ADAMTS12: variants seen among roughly 807,000 people sequenced by gnomAD.
The protein encoded by ADAMTS12 is A disintegrin and metalloproteinase with thrombospondin motifs 12.
Under a neutral mutation model 167.8 loss-of-function variants are expected in ADAMTS12, and 118 were observed. That is an observed-to-expected ratio of 0.70 (90% CI 0.61 to 0.82). ADAMTS12 has a LOEUF of 0.82. ADAMTS12 is among the 40% of genes least tolerant of loss of function. The pLI, the probability that ADAMTS12 is intolerant of heterozygous loss-of-function variation, is 0.00. For synonymous variants in ADAMTS12, 704 were observed against 716.9 expected, an observed-to-expected ratio of 0.98 and a Z score of 0.29; for missense variants, 1,916 against 1,998.8, an observed-to-expected ratio of 0.96 and a Z score of 0.79.
At chr5:33,598,670 TG>T (rs1458813463) in intron 16 of ADAMTS12, among the ~76,000 whole-genome samples, 1 of 152,172 alleles carries the variant, frequency 6.6e-6, no homozygotes, top group Non-Finnish European at 1.5e-5. Context: ...ACCTAGAAAA[TG>T]GTTTGTTGAA....
intron 16 of ADAMTS12, among the ~76,000 whole-genome samples, chr5:33,605,885 G>C (rs1322808383): frequency 6.6e-6 from 1 of 152,116 alleles, no homozygotes; most frequent in Non-Finnish European, 1.5e-5. Context: ...GTTATACAAA[G>C]TTATATAGTT....
intron 16 of ADAMTS12, among the ~76,000 whole-genome samples, chr5:33,603,908 T>C (rs1442945060): frequency 6.6e-6 from 1 of 152,138 alleles, no homozygotes; most frequent in Non-Finnish European, 1.5e-5. Flanking sequence ...CCCTGCAAAA[T>C]ACTGAGCAGA....
intron 2 of ADAMTS12, among the ~76,000 whole-genome samples, chr5:33,819,165 G>A (rs1034532092): frequency 9.9e-5 from 15 of 151,956 alleles, no homozygotes; most frequent in Non-Finnish European, 2.1e-4. Flanking sequence ...CATTGCCAAG[G>A]CCAATGTTCA....
At chr5:33,662,252 C>A (rs1741285055) in intron 5 of ADAMTS12, among the ~76,000 whole-genome samples, 1 of 152,126 alleles carries the variant, frequency 6.6e-6, no homozygotes, top group Non-Finnish European at 1.5e-5. Context: ...ACTAGAAGAA[C>A]CTGAAGGGGA....
chr5:33,659,397 A>G (rs575535327), intron 6 of ADAMTS12, among the ~76,000 whole-genome samples: 7 of 152,302 alleles, frequency 4.6e-5, no homozygotes, highest in Middle Eastern at 3.4e-3. Context: ...AAGAGAACCA[A>G]TCAAACACTT....
intron 3 of ADAMTS12, among the ~76,000 whole-genome samples, chr5:33,710,303 AC>A (rs1743347258): frequency 6.6e-6 from 1 of 152,184 alleles, no homozygotes; most frequent in Non-Finnish European, 1.5e-5. Flanking sequence ...CTATCCTCCA[AC>A]CATTGCCATA....
At chr5:33,529,855 A>G (rs1441667123) in intron 23 of ADAMTS12, among the ~76,000 whole-genome samples, 1 of 152,166 alleles carries the variant, frequency 6.6e-6, no homozygotes, top group Non-Finnish European at 1.5e-5. Flanking sequence ...AGCCTCTTAT[A>G]AAAACCCTGT....
chr5:33,736,121 G>A (rs74869849), intron 3 of ADAMTS12, among the ~76,000 whole-genome samples: 4 of 150,380 alleles, frequency 2.7e-5, no homozygotes, highest in East Asian at 1.9e-4. Flanking sequence ...GTGGTGCAAC[G>A]GTGCGATCTC....
chr5:33,631,655 T>C (rs1409762502), intron 12 of ADAMTS12, among the ~76,000 whole-genome samples: 1 of 152,158 alleles, frequency 6.6e-6, no homozygotes, highest in Non-Finnish European at 1.5e-5. Flanking sequence ...GTATACAGAA[T>C]AACCAGAAAG....
At chr5:33,688,278 A>C (rs1311444327) in intron 3 of ADAMTS12, among the ~76,000 whole-genome samples, 1 of 152,172 alleles carries the variant, frequency 6.6e-6, no homozygotes, top group Non-Finnish European at 1.5e-5. Context: ...AGACCATGAC[A>C]TGTTTGTTTC....
chr5:33,639,668 C>G (rs1490970395), intron 11 of ADAMTS12, among the ~76,000 whole-genome samples: 1 of 152,192 alleles, frequency 6.6e-6, no homozygotes, highest in East Asian at 1.9e-4. Flanking sequence ...CTTCCTTGAT[C>G]CAAAGCCTGA....
chr5:33,560,746 A>G (rs1745701374), intron 20 of ADAMTS12, among the ~76,000 whole-genome samples: 1 of 133,654 alleles, frequency 7.5e-6, no homozygotes, highest in South Asian at 2.6e-4. Flanking sequence ...CAGGAAGGGG[A>G]ACATCACACA....
intron 3 of ADAMTS12, among the ~76,000 whole-genome samples, chr5:33,704,060 T>C (rs747875428): frequency 5.1e-4 from 78 of 152,340 alleles, no homozygotes; most frequent in Non-Finnish European, 5.9e-4. Context: ...TTTCTGCTTA[T>C]AAAGCCAAAC....
intron 19 of ADAMTS12, among the ~76,000 whole-genome samples, chr5:33,565,894 AT>A (rs149484858): frequency 0.021 from 3,195 of 152,292 alleles, 106 homozygotes; most frequent in African/African-American, 0.072. Flanking sequence ...CGTTAAATCA[AT>A]TAACATTTGT....
intron 3 of ADAMTS12, among the ~76,000 whole-genome samples, chr5:33,730,290 GTGT>G (rs1200635035): frequency 2.7e-4 from 3 of 11,270 alleles, no homozygotes; most frequent in African/African-American, 6.1e-4. Flanking sequence ...GTCCATTAGG[GTGT>G]GTGTGTGTGT....
At position 33,588,784 on chromosome 5, in the gene ADAMTS12, A is replaced by G; in HGVS notation, c.2680T>C (p.Cys894Arg). ...PRWWAGEWEA[C>R]SATCGPHGEK... ...CCGTGGGGCCCGCATGTCGCCGAGC[A>G]TGCTTCCCACTCCCCTGCCCACCAC... is the stretch of plus-strand genomic sequence containing the variant. Residue 894 changes from cysteine to arginine, a missense_variant, in exon 18 of 24, where the codon TGC (cysteine) becomes CGC (arginine). Coordinates refer to ENST00000504830, the MANE Select transcript of ADAMTS12 (RefSeq NM_030955.4). The G allele has an allele frequency of 1.2e-6, 2 of 1,613,698 alleles. No homozygotes were observed. The highest frequency in any genetic ancestry group is 1.7e-6 in the Non-Finnish European group (2 of 1,180,010).
chr5:33,770,472 C>T (rs1579921164), intron 2 of ADAMTS12, among the ~76,000 whole-genome samples: 2 of 152,292 alleles, frequency 1.3e-5, no homozygotes, highest in South Asian at 4.1e-4. Flanking sequence ...CATCTCTCAT[C>T]AGCTATACAC....
Position 33,614,369 on chromosome 5 carries a change from A to C in ADAMTS12, c.2396T>G (p.Phe799Cys). 1 of 1,614,056 alleles carries C rather than the reference A, an allele frequency of 6.2e-7. No individual in the cohort carries two copies. Among genetic ancestry groups the C allele is most frequent in the South Asian group, 1.1e-5 (1 of 91,080 alleles). ...TNESVWIQLL[F>C]QVTNPGIKYE... ...CTTGATGCCAGGGTTAGTCACCTGG[A>C]ATAGAAGCTAAAAGGCAAGAGAGGG... Residue 799 changes from phenylalanine to cysteine, a missense_variant, in exon 16 of 24, where the codon TTC (phenylalanine) becomes TGC (cysteine). Coordinates refer to ENST00000504830, the MANE Select transcript of ADAMTS12 (RefSeq NM_030955.4).
chr5:33,604,162 C>T (rs1232702764), intron 16 of ADAMTS12, among the ~76,000 whole-genome samples: 1 of 152,090 alleles, frequency 6.6e-6, no homozygotes, highest in Admixed American at 6.5e-5. Flanking sequence ...TCAGAAGATA[C>T]AGAAAAATAT....
Sources: gnomAD v4.1 joint callset for allele counts (sites outside exome capture counted in the v4.1 genomes callset) on GRCh38, gnomAD v4.1.1 for gene constraint, MANE v1.5 for transcripts, NCBI Gene and HGNC (gene_info 2026-07-23, HGNC 2026-07-21) for gene names.